Variants in RNF212 observed in about 807,000 individuals in gnomAD.
RNF212 encodes ring finger protein 212.
In RNF212, 33 loss-of-function variants were observed where a neutral mutation model predicts 34.7. That is an observed-to-expected ratio of 0.95 (90% confidence interval 0.72 to 1.27). The LOEUF (loss-of-function observed/expected upper bound fraction) is 1.27, where lower values mean the gene tolerates loss of function less well. RNF212 is among the 50% of genes most tolerant of loss of function. The pLI is 0.00. For synonymous variants in RNF212, 140 were observed against 136.1 expected, an observed-to-expected ratio of 1.03 and a Z score of -0.20; for missense variants, 377 against 362.2, an observed-to-expected ratio of 1.04 and a Z score of -0.33.
In RNF212 at chr4:1,081,627, G is replaced by T; in HGVS notation, c.363-8C>A. On this transcript the variant is annotated splice_polypyrimidine_tract_variant and splice_region_variant and intron_variant, in intron 5 of 9. Coordinates refer to ENST00000433731, the MANE Select transcript of RNF212 (RefSeq NM_001131034.4). Reference sequence around the variant, plus strand: ...TGTTGTGATGATCTCATACTAAATAGATGGAGAAAAGGTATTGAATTAAAT... The same window carrying T: ...TGTTGTGATGATCTCATACTAAATATATGGAGAAAAGGTATTGAATTAAAT... The T allele has an allele frequency of 6.3e-7, 1 of 1,595,834 alleles. No individual in the cohort carries two copies. Among genetic ancestry groups the T allele is most frequent in the Non-Finnish European group, 8.6e-7 (1 of 1,163,574 alleles).
chr4:1,065,014 GAC>G (rs1718000205), intron 3 of RNF212, among the ~76,000 whole-genome samples: 1 of 152,244 alleles, frequency 6.6e-6, no homozygotes, highest in Non-Finnish European at 1.5e-5. Flanking sequence ...ACTGTACGGA[GAC>G]ACACATTGTG....
At chr4:1,064,919 T>C (rs1490933076) in intron 3 of RNF212, among the ~76,000 whole-genome samples, 1 of 152,256 alleles carries the variant, frequency 6.6e-6, no homozygotes, top group Non-Finnish European at 1.5e-5. Context: ...GACTGGCTTA[T>C]GCACTTAGCA....
chr4:1,110,709 C>T (rs1274527272), intron 1 of RNF212, among the ~76,000 whole-genome samples: 5 of 152,168 alleles, frequency 3.3e-5, no homozygotes, highest in Non-Finnish European at 7.4e-5. Flanking sequence ...GAAGGATATA[C>T]ACCAGAGCTA....
At chr4:1,080,908 G>A (rs1372208519) in intron 7 of RNF212, among the ~76,000 whole-genome samples, 2 of 152,252 alleles carry the variant, frequency 1.3e-5, no homozygotes, top group Admixed American at 1.3e-4. Context: ...GGCTCCCTGT[G>A]CCAGAGTGAT....
intron 5 of RNF212, among the ~76,000 whole-genome samples, chr4:1,085,184 G>C (rs900507141): frequency 6.6e-6 from 1 of 152,244 alleles, no homozygotes; most frequent in African/African-American, 2.4e-5. Context: ...CTAAGGCATT[G>C]CTGAGCGTAA....
intron 2 of RNF212, among the ~76,000 whole-genome samples, chr4:1,102,480 T>A (rs1285495536): frequency 6.6e-6 from 1 of 152,134 alleles, no homozygotes; most frequent in Non-Finnish European, 1.5e-5. Context: ...TTAAAACCTG[T>A]GTTGTTCAAG....
At chr4:1,101,402 A>G (rs182788198) in intron 2 of RNF212, 49 of 167,582 alleles carry the variant, frequency 2.9e-4, no homozygotes, top group Admixed American at 2.9e-3. Flanking sequence ...AAGTGGTCAA[A>G]CTCTGGCTCA....
At position 1,101,199 on chromosome 4, in the gene RNF212, A is replaced by G. The variant is rs111537736; in HGVS notation, c.172-4360T>C. The G allele has an allele frequency of 1.3e-3, 319 of 247,904 alleles. 2 individuals are homozygous for G. The highest frequency in any genetic ancestry group is 7.5e-3 in the Middle Eastern group (4 of 532). The allele number at this position is 247,904 out of a possible 1,614,324, so 15.4% of individuals were successfully genotyped here. Reference sequence around the variant, plus strand: ...CCCACGGGCCTAACGACTGGCACTCACAGTGCAGTAGCCGTGGTGGCATCT... The same window carrying G: ...CCCACGGGCCTAACGACTGGCACTCGCAGTGCAGTAGCCGTGGTGGCATCT... On this transcript the variant is annotated intron_variant, in intron 2 of 9. Transcript: ENST00000433731.
At chr4:1,083,022 C>G (rs747585589) in intron 5 of RNF212, among the ~76,000 whole-genome samples, 1 of 152,074 alleles carries the variant, frequency 6.6e-6, no homozygotes, top group Admixed American at 6.5e-5. Context: ...GGGTCGGGGG[C>G]GCAGCGGTCT....
intron 3 of RNF212, among the ~76,000 whole-genome samples, chr4:1,062,796 C>T (rs1049422355): frequency 1.3e-5 from 2 of 152,028 alleles, no homozygotes; most frequent in Non-Finnish European, 2.9e-5. Flanking sequence ...ACATGATTTG[C>T]CATATACAGA....
In RNF212 at chr4:1,072,159, T is replaced by A. The variant is rs571490324; in HGVS notation, c.*715A>T. 5 of 152,032 alleles carry A rather than the reference T, an allele frequency of 3.3e-5. No homozygotes were observed. Among genetic ancestry groups the A allele is most frequent in the Admixed American group, 3.3e-4 (5 of 15,264 alleles). 9.4% of individuals were successfully genotyped at this position (152,032 alleles called of 1,614,324 possible). On this transcript the variant is annotated 3_prime_UTR_variant, in exon 10 of 10. Transcript: ENST00000433731. ...TGTATTGCTAAGTGAAAGGAGTCAA[T>A]CTGAGAAGCCACATACTGTACAATT...
At chr4:1,092,723 C>G (rs1254811630) in intron 3 of RNF212, among the ~76,000 whole-genome samples, 1 of 152,240 alleles carries the variant, frequency 6.6e-6, no homozygotes, top group Non-Finnish European at 1.5e-5. Flanking sequence ...TGCGCTGGGC[C>G]AGGTCAGCCC....
chr4:1,111,143 A>G (rs1031501529), intron 1 of RNF212, among the ~76,000 whole-genome samples: 6 of 151,974 alleles, frequency 3.9e-5, no homozygotes, highest in African/African-American at 1.5e-4. Flanking sequence ...ACTTTCAAAC[A>G]CCAATTCCTT....
chr4:1,079,733 C>T (rs774362214), intron 7 of RNF212, 45 bp from the exon 8 acceptor site: 4 of 1,319,356 alleles, frequency 3.0e-6, no homozygotes, highest in Non-Finnish European at 4.4e-6. Flanking sequence ...CCAGGACTTA[C>T]CTCTAACAAC....
intron 2 of RNF212, chr4:1,099,754 T>C (rs886646657): frequency 1.4e-4 from 63 of 456,166 alleles, no homozygotes; most frequent in African/African-American, 1.1e-3. Flanking sequence ...GACGTCATCA[T>C]GGCAGAGGGC....
chr4:1,076,037 G>C (rs1042339705), intron 8 of RNF212, among the ~76,000 whole-genome samples: 1 of 152,216 alleles, frequency 6.6e-6, no homozygotes, highest in African/African-American at 2.4e-5. Context: ...TTTTCAAAAA[G>C]ATATGTTAAT....
chr4:1,106,889 C>T (rs529282380), intron 2 of RNF212, among the ~76,000 whole-genome samples: 61 of 152,242 alleles, frequency 4.0e-4, no homozygotes, highest in African/African-American at 1.5e-3. Flanking sequence ...CAGAAATATT[C>T]TTATAAGTGT....
intron 3 of RNF212, among the ~76,000 whole-genome samples, chr4:1,060,034 G>T (rs1409586419): frequency 6.8e-6 from 1 of 147,114 alleles, no homozygotes; most frequent in Non-Finnish European, 1.5e-5. Context: ...GCGGAGGTTA[G>T]GTTGCAGTGA....
chr4:1,062,312 GCA>G (rs1294238949), intron 3 of RNF212, among the ~76,000 whole-genome samples: 6 of 152,180 alleles, frequency 3.9e-5, no homozygotes, highest in Non-Finnish European at 7.3e-5. Context: ...TCTCAGGAAT[GCA>G]CAGTTCCTTC....
Sources: gnomAD v4.1 joint callset for allele counts (sites outside exome capture counted in the v4.1 genomes callset) on GRCh38, gnomAD v4.1.1 for gene constraint, MANE v1.5 for transcripts, NCBI Gene and HGNC (gene_info 2026-07-23, HGNC 2026-07-21) for gene names.